Variants in TNRC6A observed in about 807,000 individuals in gnomAD.
TNRC6A encodes trinucleotide repeat-containing gene 6A protein.
In TNRC6A, 44 loss-of-function variants were observed where a neutral mutation model predicts 221.2. That is an observed-to-expected ratio of 0.20 (90% confidence interval 0.16 to 0.26). The LOEUF (loss-of-function observed/expected upper bound fraction) is 0.26, where lower values mean the gene tolerates loss of function less well. Among genes scored for constraint, TNRC6A ranks in the 10% least tolerant of loss-of-function variants. The probability of loss-of-function intolerance (pLI) is 1.00; values close to 1 mark genes in which losing one functional copy is unlikely to be tolerated. For missense variants in TNRC6A, 2,199 were observed against 2,404.4 expected, an observed-to-expected ratio of 0.91 and a Z score of 1.79; for synonymous variants, 847 against 838.5, an observed-to-expected ratio of 1.01 and a Z score of -0.18.
intron 2 of TNRC6A, among the ~76,000 whole-genome samples, chr16:24,693,644 C>T (rs1313023940): frequency 6.6e-6 from 1 of 151,848 alleles, no homozygotes; most frequent in Non-Finnish European, 1.5e-5. Context: ...ATGCACCTGT[C>T]ATCCTAGCTA....
At chr16:24,617,684 T>C (rs1471830325) in intron 1 of TNRC6A, among the ~76,000 whole-genome samples, 1 of 152,134 alleles carries the variant, frequency 6.6e-6, no homozygotes, top group Non-Finnish European at 1.5e-5. Context: ...AACTGAGGCA[T>C]GGAGAGACTA....
chr16:24,720,709 AAAGAAAG>A (rs2056394219), intron 2 of TNRC6A, among the ~76,000 whole-genome samples: 1 of 143,634 alleles, frequency 7.0e-6, no homozygotes, highest in Non-Finnish European at 1.5e-5. Flanking sequence ...AAAAAAAAAG[AAAGAAAG>A]AAAAAAAAAA....
At chr16:24,815,054 T>G (rs887562749) in intron 18 of TNRC6A, 93 bp from the exon 19 acceptor site, 2 of 1,415,770 alleles carry the variant, frequency 1.4e-6, no homozygotes, top group African/African-American at 2.9e-5. Context: ...CCCACAGATC[T>G]AATAGAAAGT....
At chr16:24,771,566 G>GTGATGTTATGTT (rs2057599350) in intron 4 of TNRC6A, among the ~76,000 whole-genome samples, 2 of 96,526 alleles carry the variant, frequency 2.1e-5, no homozygotes, top group African/African-American at 7.8e-5. Context: ...TATGTTTTAT[G>GTGATGTTATGTT]TTATGTTATG....
intron 2 of TNRC6A, among the ~76,000 whole-genome samples, chr16:24,669,638 A>T (rs1191872178): frequency 6.6e-6 from 1 of 152,048 alleles, no homozygotes; most frequent in African/African-American, 2.4e-5. Context: ...AGCTCCTTAC[A>T]AAAGTGCTGG....
At chr16:24,696,873 CT>C (rs577452066) in intron 2 of TNRC6A, among the ~76,000 whole-genome samples, 303 of 152,030 alleles carry the variant, frequency 2.0e-3, no homozygotes, top group Non-Finnish European at 3.6e-3. Flanking sequence ...CATTCCCCTT[CT>C]TTTTGCCTTG....
At chr16:24,644,601 T>G (rs913299652) in intron 2 of TNRC6A, among the ~76,000 whole-genome samples, 5 of 150,468 alleles carry the variant, frequency 3.3e-5, no homozygotes, top group South Asian at 2.1e-4. Context: ...GCTAATTTGG[T>G]TTTTTTTTGT....
In TNRC6A at chr16:24,789,274, A is replaced by G; in HGVS notation, c.632A>G (p.Gln211Arg). 2 of 1,611,250 alleles carry G rather than the reference A, an allele frequency of 1.2e-6. No individual in the cohort carries two copies. Among genetic ancestry groups the G allele is most frequent in the Non-Finnish European group, 1.7e-6 (2 of 1,178,718 alleles). ...STSGSHYENSQRGPVSSTSDS... is the reference protein window; with the variant it reads ...STSGSHYENSRRGPVSSTSDS... Reference sequence around the variant, plus strand: ...TCAGGATCCCATTATGAAAATTCCCAGCGGGGACCTGTGTCTTCTACAAGT... The same window carrying G: ...TCAGGATCCCATTATGAAAATTCCCGGCGGGGACCTGTGTCTTCTACAAGT... Residue 211 changes from glutamine (Q) to arginine (R), a missense_variant, in exon 6 of 25, where the codon CAG becomes CGG. By Grantham distance (43) the Gln-to-Arg change is conservative (BLOSUM62 1). Around this residue, in one of 8 missense-constraint regions of TNRC6A, gnomAD observed 1,405 missense variants for 1,400.2 expected, o/e 1.00. Transcript: ENST00000395799.
upstream of TNRC6A, among the ~76,000 whole-genome samples, chr16:24,729,260 C>G (rs1024576702): frequency 2.0e-5 from 3 of 149,742 alleles, no homozygotes; most frequent in Non-Finnish European, 4.4e-5. Context: ...GCCGCGCGGG[C>G]TCATCAGGCT....
Position 24,805,778 on chromosome 16 carries a change from C to T in TNRC6A, c.4251+45C>T, listed in dbSNP as rs976426595. On this transcript the variant is annotated intron_variant, in intron 15 of 24. Coordinates refer to ENST00000395799, the MANE Select transcript of TNRC6A (RefSeq NM_014494.4). ...TTCTTAGTACACATTTATGGAGCAT[C>T]TACTGTATGCCAAACACTAGACTCT... 3.1e-6 allele frequency: 5 copies of T among 1,612,158 alleles called. No homozygotes were observed. In the African/African-American group the frequency reaches 5.3e-5, roughly 17 times the overall value.
At chr16:24,627,169 A>G (rs997048932) in intron 1 of TNRC6A, among the ~76,000 whole-genome samples, 1 of 151,988 alleles carries the variant, frequency 6.6e-6, no homozygotes, top group South Asian at 2.1e-4. Flanking sequence ...TTCTGTGGCT[A>G]ACCCGAAGTG....
intron 1 of TNRC6A, among the ~76,000 whole-genome samples, chr16:24,627,697 CTTTTTTTTT>C (rs57520356): frequency 2.0e-5 from 2 of 101,780 alleles, no homozygotes; most frequent in Admixed American, 1.1e-4. Context: ...TCTTTTCTTG[CTTTTTTTTT>C]TTTTTTTTTT....
chr16:24,794,523 A>G (rs756895665), intron 7 of TNRC6A, 21 bp from the exon 8 acceptor site: 2 of 1,598,036 alleles, frequency 1.3e-6, no homozygotes, highest in South Asian at 1.1e-5. Flanking sequence ...GTTTCTCTTT[A>G]TATCACAAAT....
intron 1 of TNRC6A, among the ~76,000 whole-genome samples, chr16:24,628,723 C>T (rs1901170749): frequency 6.6e-6 from 1 of 152,176 alleles, no homozygotes; most frequent in Non-Finnish European, 1.5e-5. Flanking sequence ...ATCCATAAGG[C>T]TTGCAGTCAA....
chr16:24,615,581 G>A (rs912582064), intron 1 of TNRC6A, among the ~76,000 whole-genome samples: 1 of 152,132 alleles, frequency 6.6e-6, no homozygotes, highest in Non-Finnish European at 1.5e-5. Flanking sequence ...AAGCCAAGAG[G>A]GCAGAATATT....
chr16:24,821,515 C>T (rs1596841190), intron 22 of TNRC6A, among the ~76,000 whole-genome samples: 1 of 152,140 alleles, frequency 6.6e-6, no homozygotes, highest in African/African-American at 2.4e-5. Flanking sequence ...TCTTTCCCAG[C>T]ACCTGAAGTG....
intron 2 of TNRC6A, among the ~76,000 whole-genome samples, chr16:24,676,700 C>T (rs933841184): frequency 5.3e-5 from 8 of 152,100 alleles, no homozygotes; most frequent in Admixed American, 1.3e-4. Flanking sequence ...GCAATCCACC[C>T]CCGTCAGCCT....
In TNRC6A at chr16:24,790,181, A is replaced by C; in HGVS notation, c.1539A>C (p.Lys513Asn). The part of the protein sequence containing the change: ...SLSHLSNGES[K>N]SGGSYGTTWG... ...CTCACCTTAGCAATGGAGAGTCAAA[A>C]AGTGGAGGCTCTTATGGTACTACAT... Residue 513 changes from lysine (K) to asparagine (N), a missense_variant, in exon 6 of 25, where the codon AAA (lysine) becomes AAC (asparagine). By Grantham distance (94) the Lys-to-Asn change is moderately conservative (BLOSUM62 0). Around this residue, in one of 8 missense-constraint regions of TNRC6A, gnomAD observed 1,405 missense variants for 1,400.2 expected, o/e 1.00. Coordinates refer to ENST00000395799, the MANE Select transcript of TNRC6A (RefSeq NM_014494.4). 2 of 1,614,192 alleles carry C rather than the reference A, an allele frequency of 1.2e-6. No homozygotes were observed. The highest frequency in any genetic ancestry group is 1.7e-6 in the Non-Finnish European group (2 of 1,180,026).
At chr16:24,631,273 T>C (rs1901325343) in intron 1 of TNRC6A, among the ~76,000 whole-genome samples, 1 of 152,032 alleles carries the variant, frequency 6.6e-6, no homozygotes, top group Non-Finnish European at 1.5e-5. Flanking sequence ...GAGAAACCTG[T>C]ATGGTGAAGG....
Sources: allele counts gnomAD v4.1 joint callset (sites outside exome capture counted in the v4.1 genomes callset), GRCh38; gene constraint gnomAD v4.1.1; regional missense constraint gnomAD v4.1.1; transcripts MANE v1.5; gene names NCBI Gene and HGNC (gene_info 2026-07-23, HGNC 2026-07-21).